ST3GAL5: variants seen among roughly 807,000 people sequenced by gnomAD.
ST3GAL5 encodes lactosylceramide alpha-2,3-sialyltransferase.
Under a neutral mutation model 46.1 loss-of-function variants are expected in ST3GAL5, and 25 were observed. That is an observed-to-expected ratio of 0.54 (90% confidence interval 0.40 to 0.76). The LOEUF (loss-of-function observed/expected upper bound fraction) is 0.76, where lower values mean the gene tolerates loss of function less well. ST3GAL5 is among the 30% of genes least tolerant of loss of function. The pLI, the probability that ST3GAL5 is intolerant of heterozygous loss-of-function variation, is 0.00. For synonymous variants in ST3GAL5, 182 were observed against 192.7 expected, an observed-to-expected ratio of 0.94 and a Z score of 0.46; for missense variants, 431 against 521.2, an observed-to-expected ratio of 0.83 and a Z score of 1.69.
At chr2:85,883,429 T>C (rs1224546712) in intron 1 of ST3GAL5, among the ~76,000 whole-genome samples, 3 of 152,200 alleles carry the variant, frequency 2.0e-5, no homozygotes, top group Non-Finnish European at 4.4e-5. Flanking sequence ...TAAGTCCAAT[T>C]AAACCTCTTT....
intron 5 of ST3GAL5, chr2:85,845,961 T>C: frequency 5.0e-6 from 1 of 201,612 alleles, no homozygotes; most frequent in South Asian, 8.7e-5. Context: ...TTTTGGAGGC[T>C]GAGGCGGGTG....
intron 1 of ST3GAL5, among the ~76,000 whole-genome samples, chr2:85,872,354 A>C (rs773261257): frequency 6.6e-6 from 1 of 152,146 alleles, no homozygotes; most frequent in Non-Finnish European, 1.5e-5. Flanking sequence ...GAGGCGAGGC[A>C]GGCGGATCAC....
At chr2:85,845,553 T>C (rs1006828883) in intron 5 of ST3GAL5, 1 of 152,274 alleles carries the variant, frequency 6.6e-6, no homozygotes, top group Non-Finnish European at 1.5e-5. Flanking sequence ...GTCTGGCCCA[T>C]CCATGCAGAG....
intron 1 of ST3GAL5, among the ~76,000 whole-genome samples, chr2:85,876,868 A>G (rs1321302657): frequency 6.6e-6 from 1 of 152,214 alleles, no homozygotes; most frequent in Non-Finnish European, 1.5e-5. Context: ...GACACTGAAA[A>G]GCCCTATGGT....
At chr2:85,874,292 T>C (rs540162969) in intron 1 of ST3GAL5, among the ~76,000 whole-genome samples, 1 of 152,360 alleles carries the variant, frequency 6.6e-6, no homozygotes, top group East Asian at 1.9e-4. Context: ...CCTTGGACTA[T>C]ATGAACATTC....
At chr2:85,863,251 A>G in intron 2 of ST3GAL5, 111 bp downstream of exon 2, 1 of 1,595,028 alleles carries the variant, frequency 6.3e-7, no homozygotes, top group Non-Finnish European at 8.6e-7. Context: ...CCTTTGACCA[A>G]GCATGCCTCT....
chr2:85,848,492 A>T (rs920847263), intron 3 of ST3GAL5: 22 of 1,095,930 alleles, frequency 2.0e-5, no homozygotes, highest in African/African-American at 3.2e-5. Flanking sequence ...CTGTTCAAAT[A>T]CATTTGGGGT....
At chr2:85,855,542 G>A (rs148890951) in intron 3 of ST3GAL5, 1 of 152,256 alleles carries the variant, frequency 6.6e-6, no homozygotes, top group African/African-American at 2.4e-5. Flanking sequence ...CTAAACAATA[G>A]TTTCTTAGAT....
intron 1 of ST3GAL5, chr2:85,870,325 T>G (rs138376774): frequency 4.9e-4 from 218 of 449,408 alleles, no homozygotes; most frequent in African/African-American, 3.9e-3. Context: ...CAGTTTCTTA[T>G]GAGGGTTTCG....
chr2:85,861,645 T>TAAAAAAAAAAAAAAA (rs3046643), intron 2 of ST3GAL5, among the ~76,000 whole-genome samples: 2 of 123,780 alleles, frequency 1.6e-5, no homozygotes, highest in Non-Finnish European at 1.6e-5. Flanking sequence ...TGTCAGTCCT[T>TAAAAAAAAAAAAAAA]AAAAAAAAAA....
At chr2:85,864,867 T>G (rs1357598812) in intron 1 of ST3GAL5, among the ~76,000 whole-genome samples, 1 of 152,200 alleles carries the variant, frequency 6.6e-6, no homozygotes, top group African/African-American at 2.4e-5. Context: ...CAAGACTAAG[T>G]TTTAGCCAAT....
intron 4 of ST3GAL5, 59 bp downstream of exon 4, chr2:85,847,799 AAAT>A (rs1414111508): frequency 6.4e-7 from 1 of 1,565,314 alleles, no homozygotes; most frequent in African/African-American, 1.4e-5. Flanking sequence ...CTGCCTCAAA[AAAT>A]AAAATAAAAT....
Position 85,838,956 on chromosome 2 carries a change from A to T in ST3GAL5, c.*1188T>A, listed in dbSNP as rs1681698326. ...GCAGCCTGTCTTTGGGGAGGAAGCC[A>T]CCGACACCCAGCATCTCTTCAGAAG... On this transcript the variant is annotated 3_prime_UTR_variant, in exon 7 of 7. Coordinates refer to ENST00000638572, the MANE Select transcript of ST3GAL5 (RefSeq NM_003896.4). The T allele has an allele frequency of 2.0e-5, 3 of 152,562 alleles. No individual in the cohort carries two copies. The highest frequency in any genetic ancestry group is 6.5e-5 in the Admixed American group (1 of 15,300). The allele number at this position is 152,562 out of a possible 1,614,324, so 9.5% of individuals were successfully genotyped here. A position where few individuals can be genotyped will look rare whatever the true frequency, so the allele number is the denominator to read the frequency against.
rs1049898576 is a variant in ST3GAL5 at position 85,888,944 on chromosome 2, C to T, written c.-39G>A. On this transcript the variant is annotated 5_prime_UTR_variant, in exon 1 of 7. Transcript: ENST00000638572. ...CGCCGGCCGGCCGCCAGCCCGGTAC[C>T]CCGCGCCCCCACCCGCCCCCAGCGC... The T allele has an allele frequency of 2.3e-6, 3 of 1,287,304 alleles. No homozygotes were observed. The African/African-American group carries it at 4.7e-5, about 20-fold the overall frequency. The allele number at this position is 1,287,304 out of a possible 1,614,324, so 79.7% of individuals were successfully genotyped here.
chr2:85,871,645 C>G (rs540835355), intron 1 of ST3GAL5, among the ~76,000 whole-genome samples: 26 of 152,276 alleles, frequency 1.7e-4, no homozygotes, highest in African/African-American at 5.5e-4. Context: ...CACTGGATTG[C>G]TGTCTGCATT....
chr2:85,884,053 TA>T (rs1203591977), intron 1 of ST3GAL5, among the ~76,000 whole-genome samples: 2 of 152,202 alleles, frequency 1.3e-5, no homozygotes, highest in African/African-American at 4.8e-5. Context: ...CAGCCTCATT[TA>T]CCACCTCTAG....
chr2:85,843,002 C>T (rs944919481), intron 6 of ST3GAL5, among the ~76,000 whole-genome samples: 1 of 152,168 alleles, frequency 6.6e-6, no homozygotes, highest in East Asian at 1.9e-4. Flanking sequence ...AGGTGATCTG[C>T]CCGCCTCAGC....
intron 1 of ST3GAL5, among the ~76,000 whole-genome samples, chr2:85,885,249 G>C (rs990663354): frequency 1.3e-5 from 2 of 152,182 alleles, no homozygotes; most frequent in African/African-American, 4.8e-5. Context: ...TTTGTTTGCA[G>C]CAACAAGGGT....
chr2:85,869,386 C>CT (rs34172834), intron 1 of ST3GAL5, among the ~76,000 whole-genome samples: 35,549 of 145,786 alleles, frequency 0.24, 4,558 homozygotes, highest in East Asian at 0.43. Context: ...TTTTGCATTC[C>CT]TTTTTTTTTT....
Sources: allele counts gnomAD v4.1 joint callset (sites outside exome capture counted in the v4.1 genomes callset), GRCh38; gene constraint gnomAD v4.1.1; transcripts MANE v1.5; gene names NCBI Gene and HGNC (gene_info 2026-07-23, HGNC 2026-07-21).